The following MICU1 variants were observed in gnomAD, a reference collection of about 807,000 sequenced individuals.
MICU1 encodes the protein mitochondrial calcium uptake 1, also known as calcium uptake protein 1, mitochondrial.
Under a neutral mutation model 56.8 loss-of-function variants are expected in MICU1, and 45 were observed. The observed-to-expected ratio is 0.79, with a 90% confidence interval of 0.62 to 1.02. MICU1 has a LOEUF of 1.02. MICU1 is among the 50% of genes least tolerant of loss of function. The probability of loss-of-function intolerance (pLI) is 0.00; values close to 1 mark genes in which losing one functional copy is unlikely to be tolerated. For missense variants in MICU1, 504 were observed against 587.1 expected, an observed-to-expected ratio of 0.86 and a Z score of 1.46; for synonymous variants, 186 against 195.1, an observed-to-expected ratio of 0.95 and a Z score of 0.39.
At chr10:72,421,597 CA>C (rs1177236793) in intron 9 of MICU1, among the ~76,000 whole-genome samples, 1 of 152,080 alleles carries the variant, frequency 6.6e-6, no homozygotes, top group African/African-American at 2.4e-5. Flanking sequence ...TTCCTTGTAC[CA>C]GGGGCAGCTG....
At chr10:72,560,834 C>CA (rs1310648031) in intron 3 of MICU1, among the ~76,000 whole-genome samples, 1 of 152,064 alleles carries the variant, frequency 6.6e-6, no homozygotes, top group Admixed American at 6.6e-5. Flanking sequence ...CACACCACTA[C>CA]ACTCCAGCCT....
chr10:72,587,334 G>T (rs1248451133), intron 1 of MICU1, among the ~76,000 whole-genome samples: 1 of 151,860 alleles, frequency 6.6e-6, no homozygotes, highest in South Asian at 2.1e-4. Context: ...AAGCATGGTG[G>T]TGTGTGCCTG....
chr10:72,389,674 G>A (rs1863004268), intron 10 of MICU1, among the ~76,000 whole-genome samples: 1 of 152,162 alleles, frequency 6.6e-6, no homozygotes, highest in Non-Finnish European at 1.5e-5. Context: ...GGACGTAACT[G>A]AACCCACAGG....
intron 6 of MICU1, among the ~76,000 whole-genome samples, chr10:72,482,542 T>C (rs1866333331): frequency 6.6e-6 from 1 of 152,084 alleles, no homozygotes; most frequent in South Asian, 2.1e-4. Context: ...GAGGGAGAGG[T>C]CACCACTTCT....
At chr10:72,514,610 C>T (rs895999631) in intron 5 of MICU1, among the ~76,000 whole-genome samples, 3 of 152,152 alleles carry the variant, frequency 2.0e-5, no homozygotes, top group Non-Finnish European at 2.9e-5. Flanking sequence ...AGTGATTTGA[C>T]AGGTTTCCTT....
intron 8 of MICU1, among the ~76,000 whole-genome samples, chr10:72,433,954 C>T (rs769458099): frequency 6.6e-6 from 1 of 152,198 alleles, no homozygotes; most frequent in Non-Finnish European, 1.5e-5. Context: ...TTTAACTTCT[C>T]TGAGTGCTTG....
intron 5 of MICU1, among the ~76,000 whole-genome samples, chr10:72,520,429 C>A (rs1867783028): frequency 6.6e-6 from 1 of 152,038 alleles, no homozygotes; most frequent in African/African-American, 2.4e-5. Flanking sequence ...ACAATGAAAT[C>A]AAAATGTTTC....
chr10:72,569,022 G>A (rs1382370476), intron 1 of MICU1, among the ~76,000 whole-genome samples: 1 of 150,250 alleles, frequency 6.7e-6, no homozygotes, highest in Non-Finnish European at 1.5e-5. Context: ...CCAAAGTGCC[G>A]GGATTACAGG....
intron 1 of MICU1, among the ~76,000 whole-genome samples, chr10:72,567,744 T>C (rs529291559): frequency 6.6e-6 from 1 of 152,218 alleles, no homozygotes; most frequent in African/African-American, 2.4e-5. Flanking sequence ...CTGGGTGCCA[T>C]TGAGTGTCCC....
At chr10:72,526,866 T>C (rs1426205822) in intron 5 of MICU1, among the ~76,000 whole-genome samples, 2 of 151,214 alleles carry the variant, frequency 1.3e-5, no homozygotes, top group African/African-American at 4.9e-5. Flanking sequence ...AAAACCTTGA[T>C]TATAATCAGC....
rs1000934299 is a variant in MICU1, at chr10:72,436,619, T to A, written c.934-13248A>T. 4.6e-5 allele frequency among the ~76,000 whole-genome samples: 7 copies of A among 152,032 alleles called. No individual in the cohort carries two copies. The East Asian group carries it at 1.3e-3, about 29-fold the overall frequency. On this transcript the variant is annotated intron_variant, in intron 8 of 11. Coordinates refer to ENST00000361114, the MANE Select transcript of MICU1 (RefSeq NM_001195518.2). Reference sequence around the variant, plus strand: ...TCGGTAATAACAAACTTCTCCAAGATAAAGGAGCATGTTCGAACCCATCGC... The same window carrying A: ...TCGGTAATAACAAACTTCTCCAAGAAAAAGGAGCATGTTCGAACCCATCGC...
chr10:72,409,155 G>A (rs1863726695), intron 9 of MICU1, among the ~76,000 whole-genome samples: 2 of 152,172 alleles, frequency 1.3e-5, no homozygotes, highest in Admixed American at 1.3e-4. Flanking sequence ...AAATGTCCTA[G>A]ATATCCCAGA....
chr10:72,522,686 G>A (rs1867858105), intron 5 of MICU1, among the ~76,000 whole-genome samples: 1 of 151,982 alleles, frequency 6.6e-6, no homozygotes, highest in South Asian at 2.1e-4. Flanking sequence ...TATGCTACCA[G>A]GAAAACAAAA....
intron 4 of MICU1, among the ~76,000 whole-genome samples, chr10:72,536,064 G>A (rs1329963776): frequency 6.6e-6 from 1 of 151,986 alleles, no homozygotes; most frequent in African/African-American, 2.4e-5. Context: ...GAAGGATAGG[G>A]GAAATGGGAG....
chr10:72,516,962 G>A (rs1049347804), intron 5 of MICU1, among the ~76,000 whole-genome samples: 2 of 152,106 alleles, frequency 1.3e-5, no homozygotes, highest in African/African-American at 4.8e-5. Flanking sequence ...TTAGGATTAT[G>A]TATCTATTTA....
intron 8 of MICU1, among the ~76,000 whole-genome samples, chr10:72,440,580 G>A (rs1418215602): frequency 3.9e-5 from 6 of 152,000 alleles, no homozygotes; most frequent in Non-Finnish European, 8.8e-5. Context: ...GCTTCTGCAT[G>A]GCAAAAGAAA....
At chr10:72,599,200 A>T (rs1018269682) in intron 1 of MICU1, among the ~76,000 whole-genome samples, 3 of 152,226 alleles carry the variant, frequency 2.0e-5, no homozygotes, top group Non-Finnish European at 4.4e-5. Flanking sequence ...GTTAACACAA[A>T]GCATTCCTAA....
At chr10:72,416,247 A>G (rs886585999) in intron 9 of MICU1, among the ~76,000 whole-genome samples, 13 of 152,214 alleles carry the variant, frequency 8.5e-5, no homozygotes, top group African/African-American at 3.1e-4. Context: ...AATCTCCTAT[A>G]GTAATTCATA....
intron 4 of MICU1, among the ~76,000 whole-genome samples, chr10:72,542,604 C>A (rs931824969): frequency 1.3e-5 from 2 of 152,196 alleles, no homozygotes; most frequent in East Asian, 1.9e-4. Flanking sequence ...GGGGTGCCTG[C>A]AATTCCTGAA....
Sources: gnomAD v4.1 joint callset for allele counts (sites outside exome capture counted in the v4.1 genomes callset) on GRCh38, gnomAD v4.1.1 for gene constraint, MANE v1.5 for transcripts, NCBI Gene and HGNC (gene_info 2026-07-23, HGNC 2026-07-21) for gene names.